ZNF280D: variants seen among roughly 807,000 people sequenced by gnomAD.
ZNF280D encodes zinc finger protein 280D.
Under a neutral mutation model 94.7 loss-of-function variants are expected in ZNF280D, and 39 were observed. The observed-to-expected ratio is 0.41, with a 90% confidence interval of 0.32 to 0.54. ZNF280D has a LOEUF of 0.54. Among genes scored for constraint, ZNF280D ranks in the 20% least tolerant of loss-of-function variants. ZNF280D has a pLI of 0.22. For synonymous variants in ZNF280D, 398 were observed against 377.6 expected, an observed-to-expected ratio of 1.05 and a Z score of -0.63; for missense variants, 1,090 against 1,149.3, an observed-to-expected ratio of 0.95 and a Z score of 0.75.
At chr15:56,705,546 A>T (rs1226426175) in intron 3 of ZNF280D, among the ~76,000 whole-genome samples, 4 of 152,224 alleles carry the variant, frequency 2.6e-5, no homozygotes, top group African/African-American at 9.6e-5. Flanking sequence ...TATGATATCT[A>T]CCTAATACAA....
At chr15:56,640,376 T>C (rs2052570124) in intron 20 of ZNF280D, among the ~76,000 whole-genome samples, 1 of 152,102 alleles carries the variant, frequency 6.6e-6, no homozygotes, top group Admixed American at 6.6e-5. Context: ...CTCCCAGCTC[T>C]GTCTCCAAAG....
chr15:56,730,475 T>A (rs1396699804), intron 1 of ZNF280D: 1 of 152,206 alleles, frequency 6.6e-6, no homozygotes, highest in Non-Finnish European at 1.5e-5. Flanking sequence ...CCAATGCTGA[T>A]TAATAGAACA....
intron 14 of ZNF280D, among the ~76,000 whole-genome samples, chr15:56,668,457 A>C (rs1410736018): frequency 6.6e-6 from 1 of 152,110 alleles, no homozygotes; most frequent in East Asian, 1.9e-4. Context: ...GATGCTGGGG[A>C]CACAAAGATA....
At chr15:56,714,741 A>G (rs1383803786) in intron 1 of ZNF280D, among the ~76,000 whole-genome samples, 1 of 152,228 alleles carries the variant, frequency 6.6e-6, no homozygotes, top group African/African-American at 2.4e-5. Flanking sequence ...AAATTAAGAT[A>G]AATCCAGATG....
intron 10 of ZNF280D, among the ~76,000 whole-genome samples, chr15:56,681,406 T>G (rs1234264924): frequency 6.6e-6 from 1 of 152,134 alleles, no homozygotes; most frequent in African/African-American, 2.4e-5. Flanking sequence ...CTAAGAAGGA[T>G]GAAGAGATAC....
chr15:56,718,474 AT>A (rs2058163976), intron 1 of ZNF280D, among the ~76,000 whole-genome samples: 1 of 152,238 alleles, frequency 6.6e-6, no homozygotes, highest in South Asian at 2.1e-4. Context: ...ACTTTTTAGA[AT>A]TTTAACATTT....
intron 19 of ZNF280D, among the ~76,000 whole-genome samples, chr15:56,648,201 C>T (rs1317546100): frequency 6.6e-6 from 1 of 152,060 alleles, no homozygotes; most frequent in Non-Finnish European, 1.5e-5. Flanking sequence ...TATATGTTTT[C>T]CACTCTAAAA....
intron 19 of ZNF280D, 142 bp from the exon 20 acceptor site, chr15:56,643,139 CT>C: frequency 2.1e-6 from 1 of 483,204 alleles, no homozygotes; most frequent in Non-Finnish European, 3.5e-6. Context: ...GTAAATTGAC[CT>C]CTGTAAATGT....
At chr15:56,689,199 C>T (rs747593266) in intron 8 of ZNF280D, 49 bp from the exon 9 acceptor site, 1 of 1,565,354 alleles carries the variant, frequency 6.4e-7, no homozygotes, top group Non-Finnish European at 8.7e-7. Flanking sequence ...CACTTTTTAA[C>T]CTTAAATAAC....
intron 1 of ZNF280D, among the ~76,000 whole-genome samples, chr15:56,731,506 C>CAA (rs752976383): frequency 0.44 from 35,131 of 80,352 alleles, 9,399 homozygotes; most frequent in Non-Finnish European, 0.59. Context: ...GTACCTATCT[C>CAA]AAAAAAAAAA....
chr15:56,712,608 A>AG (rs1265587998), intron 1 of ZNF280D, among the ~76,000 whole-genome samples: 1 of 150,626 alleles, frequency 6.6e-6, no homozygotes, highest in Admixed American at 6.6e-5. Context: ...AAAAAAAAAA[A>AG]AAAAAAAGGA....
At chr15:56,653,867 C>G (rs1847509019) in intron 19 of ZNF280D, 2 of 1,236,714 alleles carry the variant, frequency 1.6e-6, no homozygotes, top group Admixed American at 4.2e-5. Flanking sequence ...ATATGTCAAC[C>G]TGACACAAAG....
In ZNF280D at chr15:56,707,157, C is replaced by T. The variant is rs2057458340; in HGVS notation, c.-41-7G>A. On this transcript the variant is annotated splice_region_variant and splice_polypyrimidine_tract_variant and intron_variant, in intron 2 of 21. Coordinates refer to ENST00000267807, the MANE Select transcript of ZNF280D (RefSeq NM_017661.4). ...GTAAATTGTCACCTAAGTACTGACA[C>T]ATGATATCAGTCAATTTAATGAGTC... 1 of 1,612,882 alleles carries T rather than the reference C, an allele frequency of 6.2e-7. No individual in the cohort carries two copies. The highest frequency in any genetic ancestry group is 1.1e-5 in the South Asian group (1 of 91,042).
intron 1 of ZNF280D, among the ~76,000 whole-genome samples, chr15:56,716,065 T>A (rs2058028822): frequency 6.6e-6 from 1 of 152,166 alleles, no homozygotes; most frequent in Non-Finnish European, 1.5e-5. Flanking sequence ...TATAAGGGAC[T>A]TGAGCACCCT....
intron 19 of ZNF280D, among the ~76,000 whole-genome samples, chr15:56,648,578 G>C (rs1406309147): frequency 6.6e-6 from 1 of 151,966 alleles, no homozygotes; most frequent in Non-Finnish European, 1.5e-5. Context: ...TTTAAATTGA[G>C]GCTCTCCACT....
Position 56,700,956 on chromosome 15 carries a change from T to C in ZNF280D, c.358A>G (p.Ile120Val), listed in dbSNP as rs1369317025. Reference sequence around the variant, plus strand: ...ACAGGTTTAGAAAAAGGCTGAACAATAACAGAACTATCTGAAGATCTAGAC... The same window carrying C: ...ACAGGTTTAGAAAAAGGCTGAACAACAACAGAACTATCTGAAGATCTAGAC... ...PESRSSDSSV[I>V]VQPFSKPGYI... Residue 120 changes from isoleucine (I) to valine (V), a missense_variant, in exon 6 of 22, where the codon ATT becomes GTT. Around this residue, in one of 3 missense-constraint regions of ZNF280D, gnomAD observed 386 missense variants for 372.0 expected, o/e 1.04. Transcript: ENST00000267807. 4 of 1,613,748 alleles carry C rather than the reference T, an allele frequency of 2.5e-6. No individual in the cohort carries two copies. In the African/African-American group the frequency reaches 5.3e-5, roughly 22 times the overall value.
intron 20 of ZNF280D, among the ~76,000 whole-genome samples, chr15:56,639,723 A>G (rs544337548): frequency 4.1e-4 from 62 of 152,316 alleles, no homozygotes; most frequent in African/African-American, 1.4e-3. Context: ...TAGATATGCA[A>G]AAACTGAAAA....
At chr15:56,698,233 T>C (rs1418129412) in intron 6 of ZNF280D, 3 of 152,174 alleles carry the variant, frequency 2.0e-5, no homozygotes, top group Non-Finnish European at 2.9e-5. Context: ...ATATACTAGT[T>C]ATGTGGAAAA....
intron 17 of ZNF280D, 93 bp from the exon 18 acceptor site, chr15:56,654,596 C>G: frequency 8.9e-7 from 1 of 1,120,326 alleles, no homozygotes; most frequent in Non-Finnish European, 1.3e-6. Context: ...GCTTTTTGTG[C>G]CATACATAAC....
Sources: gnomAD v4.1 joint callset for allele counts (sites outside exome capture counted in the v4.1 genomes callset) on GRCh38, gnomAD v4.1.1 for gene constraint, gnomAD v4.1.1 regional missense constraint, MANE v1.5 for transcripts, NCBI Gene and HGNC (gene_info 2026-07-23, HGNC 2026-07-21) for gene names.